Variants in FOXP2 observed in about 807,000 individuals in gnomAD.
The protein encoded by FOXP2 is forkhead box P2.
FOXP2 carries 12 observed loss-of-function variants against 115.8 expected under a neutral mutation model. The observed-to-expected ratio is 0.10, with a 90% CI of 0.07 to 0.17. The LOEUF (loss-of-function observed/expected upper bound fraction) is 0.17. Among genes scored for constraint, FOXP2 ranks in the 10% least tolerant of loss-of-function variants. The pLI is 1.00. For synonymous variants in FOXP2, 328 were observed against 297.7 expected, an observed-to-expected ratio of 1.10 and a Z score of -1.05; for missense variants, 629 against 843.5, an observed-to-expected ratio of 0.75 and a Z score of 3.15.
At chr7:114,598,109 C>CT (rs1211830538) in intron 3 of FOXP2, among the ~76,000 whole-genome samples, 1 of 151,956 alleles carries the variant, frequency 6.6e-6, no homozygotes, top group Non-Finnish European at 1.5e-5. Context: ...ATAATGTTGA[C>CT]TTTTTTTGTA....
intron 2 of FOXP2, among the ~76,000 whole-genome samples, chr7:114,528,626 A>C (rs1281688480): frequency 6.6e-6 from 1 of 152,038 alleles, no homozygotes; most frequent in East Asian, 1.9e-4. Context: ...AGAGGATTCA[A>C]ATAATAGTTT....
Position 114,093,665 on chromosome 7 carries a change from T to A in FOXP2, c.-247+5827T>A, listed in dbSNP as rs1168062262. Among the ~76,000 whole-genome samples the A allele has an allele frequency of 1.1e-3, 164 of 152,150 alleles. 1 individual carries two copies. The highest frequency in any genetic ancestry group is 4.6e-4 in the Non-Finnish European group (31 of 67,998). On this transcript the variant is annotated intron_variant, in intron 1 of 19. Coordinates refer to the FOXP2 transcript ENST00000635638. Reference sequence around the variant, plus strand: ...TTTATCCTACACCCATTTTATATCATATCACATTGGGAAACACTGTTCGTT... The same window carrying A: ...TTTATCCTACACCCATTTTATATCAAATCACATTGGGAAACACTGTTCGTT...
chr7:114,176,248 C>CCCTT (rs1793294069), intron 1 of FOXP2, among the ~76,000 whole-genome samples: 15 of 149,314 alleles, frequency 1.0e-4, no homozygotes, highest in Middle Eastern at 3.2e-3. Flanking sequence ...TTCTTTCTTT[C>CCCTT]TCTCTCTCTC....
chr7:114,417,426 T>C (rs1287382393), intron 1 of FOXP2, among the ~76,000 whole-genome samples: 1 of 152,012 alleles, frequency 6.6e-6, no homozygotes. Context: ...CAATTAGCAC[T>C]GTTCATTAGC....
intron 10 of FOXP2, among the ~76,000 whole-genome samples, chr7:114,654,724 A>T (rs1479989228): frequency 6.6e-6 from 1 of 152,140 alleles, no homozygotes; most frequent in Non-Finnish European, 1.5e-5. Context: ...AACTTAGAGT[A>T]ATCAACTGGG....
intron 1 of FOXP2, among the ~76,000 whole-genome samples, chr7:114,140,765 A>G (rs1319131183): frequency 6.6e-6 from 1 of 152,184 alleles, no homozygotes; most frequent in Non-Finnish European, 1.5e-5. Flanking sequence ...AGTGGCAATC[A>G]ACTAAAGGTG....
intron 1 of FOXP2, among the ~76,000 whole-genome samples, chr7:114,273,347 T>C (rs1028623756): frequency 1.9e-4 from 29 of 152,148 alleles, no homozygotes; most frequent in African/African-American, 6.7e-4. Flanking sequence ...TAAGATGTGT[T>C]TTATGACTGT....
chr7:114,390,721 ATTTT>A (rs967708161), intron 2 of FOXP2, among the ~76,000 whole-genome samples: 1 of 148,414 alleles, frequency 6.7e-6, no homozygotes, highest in Non-Finnish European at 1.5e-5. Context: ...CACCTAGCTG[ATTTT>A]TTTTTTTCTT....
rs1335352717 is a variant in FOXP2 at position 114,692,451 on chromosome 7, G to C, written c.*2525G>C. 2 of 451,494 alleles carry C rather than the reference G, an allele frequency of 4.4e-6. No homozygotes were observed. Among genetic ancestry groups the C allele is most frequent in the Non-Finnish European group, 8.8e-6 (2 of 226,038 alleles). 28.0% of individuals were successfully genotyped at this position (451,494 alleles called of 1,614,324 possible). On this transcript the variant is annotated 3_prime_UTR_variant, in exon 17 of 17. Transcript: ENST00000350908. ...TTTTTGGAGTTTCCTGAAATGCTTG[G>C]TCTGTATTTTGATAATTGTGCATAT...
At position 114,515,440 on chromosome 7, in the gene FOXP2, G is replaced by A. The variant is rs576993048; in HGVS notation, c.169-19177G>A. 2.1e-3 allele frequency among the ~76,000 whole-genome samples: 317 copies of A among 151,902 alleles called. 1 individual carries two copies. The highest frequency in any genetic ancestry group is 7.4e-3 in the African/African-American group (306 of 41,500). ...TGGTGTGAGATGGTATCTTATTGTGGTTTTGATTTGCATTTCTCTGATGGC... is the reference window on the plus strand; with the variant it reads ...TGGTGTGAGATGGTATCTTATTGTGATTTTGATTTGCATTTCTCTGATGGC... On this transcript the variant is annotated intron_variant, in intron 2 of 16. Transcript: ENST00000350908.
At chr7:114,114,160 C>G (rs1422474226) in intron 1 of FOXP2, among the ~76,000 whole-genome samples, 1 of 151,530 alleles carries the variant, frequency 6.6e-6, no homozygotes, top group Non-Finnish European at 1.5e-5. Flanking sequence ...CCTAATTTGC[C>G]TTTGTGATTA....
At chr7:114,623,582 A>G (rs1020568802) in intron 3 of FOXP2, among the ~76,000 whole-genome samples, 3 of 151,848 alleles carry the variant, frequency 2.0e-5, no homozygotes, top group East Asian at 1.9e-4. Context: ...TCACTTCTCC[A>G]TAATCTCTAC....
At chr7:114,630,088 C>T in intron 5 of FOXP2, 83 bp downstream of exon 5, 2 of 1,598,116 alleles carry the variant, frequency 1.3e-6, no homozygotes, top group Non-Finnish European at 1.7e-6. Flanking sequence ...TTAGATCTTC[C>T]TATAACAAGG....
chr7:114,092,537 A>C (rs549171359), intron 1 of FOXP2, among the ~76,000 whole-genome samples: 19 of 152,118 alleles, frequency 1.2e-4, no homozygotes, highest in African/African-American at 3.9e-4. Flanking sequence ...AAAAAAAAAA[A>C]CTTTCTTAAA....
chr7:114,157,412 G>A (rs1464569324), intron 1 of FOXP2, among the ~76,000 whole-genome samples: 1 of 151,940 alleles, frequency 6.6e-6, no homozygotes, highest in Admixed American at 6.6e-5. Context: ...GTAACATTTG[G>A]ACAAATAGAA....
intron 1 of FOXP2, among the ~76,000 whole-genome samples, chr7:114,138,000 A>T (rs1792088909): frequency 6.6e-6 from 1 of 152,208 alleles, no homozygotes; most frequent in Non-Finnish European, 1.5e-5. Flanking sequence ...TTGGGGCAGG[A>T]AATGTGTGAT....
At chr7:114,562,413 T>G (rs1374117488) in intron 3 of FOXP2, among the ~76,000 whole-genome samples, 1 of 152,196 alleles carries the variant, frequency 6.6e-6, no homozygotes, top group Non-Finnish European at 1.5e-5. Context: ...CCTGTTTCCC[T>G]GTTGTCAGTG....
chr7:114,286,416 A>T (rs1009529399), intron 1 of FOXP2, among the ~76,000 whole-genome samples: 1 of 152,056 alleles, frequency 6.6e-6, no homozygotes, highest in African/African-American at 2.4e-5. Flanking sequence ...AAAATCTAGA[A>T]TTTATAGACT....
chr7:114,348,931 G>A (rs1791411902), intron 2 of FOXP2, among the ~76,000 whole-genome samples: 1 of 152,000 alleles, frequency 6.6e-6, no homozygotes, highest in Non-Finnish European at 1.5e-5. Context: ...AGCAAAATGG[G>A]CCAAATGGGC....
Sources: allele counts gnomAD v4.1 joint callset (sites outside exome capture counted in the v4.1 genomes callset), GRCh38; gene constraint gnomAD v4.1.1; transcripts MANE v1.5; gene names NCBI Gene and HGNC (gene_info 2026-07-23, HGNC 2026-07-21).